Variants in GAS7 observed in about 807,000 individuals in gnomAD.
GAS7 encodes growth arrest-specific protein 7.
Under a neutral mutation model 71.1 loss-of-function variants are expected in GAS7, and 28 were observed. That is an observed-to-expected ratio of 0.39 (90% confidence interval 0.29 to 0.54). The LOEUF (loss-of-function observed/expected upper bound fraction) is 0.54, where lower values mean the gene tolerates loss of function less well. Among genes scored for constraint, GAS7 ranks in the 20% least tolerant of loss-of-function variants. GAS7 has a pLI of 0.62. For missense variants in GAS7, 436 were observed against 627.8 expected (o/e 0.69, Z 3.27); for synonymous variants, 258 against 245.8 (o/e 1.05, Z -0.46).
At chr17:9,937,261 T>C (rs958314713) in intron 8 of GAS7, among the ~76,000 whole-genome samples, 1 of 152,182 alleles carries the variant, frequency 6.6e-6, no homozygotes, top group African/African-American at 2.4e-5. Context: ...GTGTACAGTA[T>C]GGTAGTGTGG....
At chr17:10,025,211 T>C (rs970867404) in intron 1 of GAS7, among the ~76,000 whole-genome samples, 1 of 152,118 alleles carries the variant, frequency 6.6e-6, no homozygotes, top group Non-Finnish European at 1.5e-5. Context: ...AAGGGCAGCC[T>C]GGGCAATGGA....
At chr17:10,019,042 C>A (rs929639785) in intron 2 of GAS7, among the ~76,000 whole-genome samples, 3 of 152,146 alleles carry the variant, frequency 2.0e-5, no homozygotes, top group Admixed American at 2.0e-4. Flanking sequence ...TGCAACAGTG[C>A]CCTTTGCTCA....
intron 2 of GAS7, among the ~76,000 whole-genome samples, chr17:9,991,597 G>T (rs138778431): frequency 6.6e-6 from 1 of 152,218 alleles, no homozygotes; most frequent in East Asian, 1.9e-4. Flanking sequence ...TCGAAGGGTC[G>T]CAGGGAGTAG....
chr17:10,079,733 T>C (rs1164490767), intron 1 of GAS7, among the ~76,000 whole-genome samples: 1 of 152,244 alleles, frequency 6.6e-6, no homozygotes, highest in Non-Finnish European at 1.5e-5. Flanking sequence ...CTTGGCCACA[T>C]GTTCTCAGGA....
At chr17:10,133,116 T>TA (rs1319814933) in intron 1 of GAS7, among the ~76,000 whole-genome samples, 2 of 144,412 alleles carry the variant, frequency 1.4e-5, no homozygotes, top group East Asian at 4.0e-4. Flanking sequence ...GATTATATAT[T>TA]TTTATATTTT....
chr17:9,969,203 C>T lies in GAS7; in HGVS notation c.471+474G>A, dbSNP rs904567081. Among the ~76,000 whole-genome samples the T allele has an allele frequency of 7.2e-5, 11 of 152,294 alleles. No individual in the cohort carries two copies. Among genetic ancestry groups the T allele is most frequent in the African/African-American group, 1.7e-4 (7 of 41,558 alleles). On this transcript the variant is annotated intron_variant, in intron 4 of 13. Transcript: ENST00000432992. This position sits in a 1 kb window ranked among gnomAD's most constrained non-coding sequence, Gnocchi z 5.5. ...GAGACTGAGAAAACAGTTTGGAAAT[C>T]GTACAACATACTCCCATTTCCTTCC...
At chr17:9,945,724 A>G (rs1300190017) in intron 6 of GAS7, among the ~76,000 whole-genome samples, 2 of 152,194 alleles carry the variant, frequency 1.3e-5, no homozygotes, top group East Asian at 3.9e-4. Flanking sequence ...TAATCCCAGC[A>G]CTTTGGGAGG....
chr17:10,001,900 A>G (rs2071281125), intron 2 of GAS7, among the ~76,000 whole-genome samples: 1 of 152,004 alleles, frequency 6.6e-6, no homozygotes, highest in African/African-American at 2.4e-5. Flanking sequence ...CCCCACATTC[A>G]CCGATGGCCT....
At chr17:10,016,386 A>AC (rs1275450738) in intron 2 of GAS7, among the ~76,000 whole-genome samples, 3 of 147,072 alleles carry the variant, frequency 2.0e-5, no homozygotes, top group Non-Finnish European at 4.5e-5. Flanking sequence ...CTCCGTCTCA[A>AC]AAAAAAAAAA....
chr17:10,064,931 G>C (rs1007793515), intron 1 of GAS7, among the ~76,000 whole-genome samples: 1 of 152,168 alleles, frequency 6.6e-6, no homozygotes, highest in Non-Finnish European at 1.5e-5. Context: ...AGGCTCAAGT[G>C]ATCCTCAGCC....
chr17:10,002,342 T>C (rs561612079), intron 2 of GAS7, among the ~76,000 whole-genome samples: 1 of 152,204 alleles, frequency 6.6e-6, no homozygotes, highest in South Asian at 2.1e-4. Context: ...TGAGTCCACA[T>C]TTCCTCCTTG....
At chr17:9,989,307 T>C (rs1250557732) in intron 2 of GAS7, among the ~76,000 whole-genome samples, 3 of 152,126 alleles carry the variant, frequency 2.0e-5, no homozygotes, top group African/African-American at 7.2e-5. Flanking sequence ...AACAACCCTT[T>C]ATTTGAGAAT....
At chr17:10,124,705 G>A (rs1007337260) in intron 1 of GAS7, among the ~76,000 whole-genome samples, 2 of 152,146 alleles carry the variant, frequency 1.3e-5, no homozygotes, top group Non-Finnish European at 2.9e-5. Context: ...GATCACCTAA[G>A]GTCGGAGTTG....
intron 1 of GAS7, among the ~76,000 whole-genome samples, chr17:10,025,052 A>G (rs921440132): frequency 3.3e-5 from 5 of 152,192 alleles, no homozygotes; most frequent in Non-Finnish European, 5.9e-5. Context: ...TCTGAGACGC[A>G]GAGAGTTTAA....
chr17:10,034,861 C>T lies in GAS7; in HGVS notation c.184-14964G>A, dbSNP rs772582975. Reference sequence around the variant, plus strand: ...TCTTCCCTGTCACTCCTCCGAGCCACGTGAGTGGTCTTAGCTCTATTTGCC... The same window carrying T: ...TCTTCCCTGTCACTCCTCCGAGCCATGTGAGTGGTCTTAGCTCTATTTGCC... On this transcript the variant is annotated intron_variant, in intron 1 of 13. Coordinates refer to ENST00000432992, the MANE Select transcript of GAS7 (RefSeq NM_201433.2). This position sits in a 1 kb window ranked among gnomAD's most constrained non-coding sequence, Gnocchi z 4.4. Among the ~76,000 whole-genome samples, 2 of 152,176 alleles carry T rather than the reference C, an allele frequency of 1.3e-5. No homozygotes were observed. Among genetic ancestry groups the T allele is most frequent in the African/African-American group, 4.8e-5 (2 of 41,434 alleles).
At position 9,926,773 on chromosome 17, in the gene GAS7, T is replaced by A; in HGVS notation, c.886-4A>T. 1 of 1,614,058 alleles carries A rather than the reference T, an allele frequency of 6.2e-7. No individual in the cohort carries two copies. The highest frequency in any genetic ancestry group is 1.3e-5 in the African/African-American group (1 of 75,036). ...GCTTCTCCACCTCGCTGTGAAGCTG[T>A]TGGGAGAGTAGAGACGCACACTCAG... On this transcript the variant is annotated splice_region_variant and splice_polypyrimidine_tract_variant and intron_variant, in intron 9 of 13. Transcript: ENST00000432992. This position sits in a 1 kb window ranked among gnomAD's most constrained non-coding sequence, Gnocchi z 5.0.
chr17:10,146,583 G>C (rs905216190), intron 1 of GAS7, among the ~76,000 whole-genome samples: 1 of 152,022 alleles, frequency 6.6e-6, no homozygotes, highest in Admixed American at 6.6e-5. Flanking sequence ...CAGCAATCAG[G>C]GTTTAAACAC....
At chr17:10,167,783 A>G (rs1452798166) in intron 1 of GAS7, among the ~76,000 whole-genome samples, 1 of 151,884 alleles carries the variant, frequency 6.6e-6, no homozygotes, top group Non-Finnish European at 1.5e-5. Flanking sequence ...ACAGGAGCCG[A>G]CACCTTCTGG....
chr17:9,937,624 T>C (rs1044240814), intron 8 of GAS7, among the ~76,000 whole-genome samples: 5 of 152,356 alleles, frequency 3.3e-5, no homozygotes, highest in Admixed American at 1.3e-4. Flanking sequence ...GGAGGCCGCC[T>C]GGCTGCACAG....
Sources: allele counts gnomAD v4.1 joint callset (sites outside exome capture counted in the v4.1 genomes callset), GRCh38; gene constraint gnomAD v4.1.1; non-coding constraint Gnocchi (gnomAD v3.1); transcripts MANE v1.5; gene names NCBI Gene and HGNC (gene_info 2026-07-23, HGNC 2026-07-21).